CAMK2D: variants seen among roughly 807,000 people sequenced by gnomAD.
The protein encoded by CAMK2D is calcium/calmodulin dependent protein kinase II delta.
Under a neutral mutation model 84.0 loss-of-function variants are expected in CAMK2D, and 37 were observed. The ratio of observed to expected loss-of-function variants is 0.44; its 90% confidence interval spans 0.34 to 0.58. The LOEUF is 0.58. CAMK2D is among the 20% of genes least tolerant of loss of function. CAMK2D has a pLI of 0.02. For missense variants in CAMK2D, 448 were observed against 652.5 expected (o/e 0.69, Z 3.41); for synonymous variants, 202 against 212.5 (o/e 0.95, Z 0.43).
At chr4:113,717,478 G>C (rs72899819) in intron 2 of CAMK2D, among the ~76,000 whole-genome samples, 2 of 151,856 alleles carry the variant, frequency 1.3e-5, no homozygotes, top group African/African-American at 2.4e-5. Context: ...TCCAGGACTT[G>C]GTACTGCCTG....
chr4:113,471,637 A>G (rs1482637566), intron 16 of CAMK2D, among the ~76,000 whole-genome samples: 4 of 152,006 alleles, frequency 2.6e-5, no homozygotes, highest in Non-Finnish European at 5.9e-5. Context: ...ACTCTTTCTC[A>G]GAGCCATTTC....
chr4:113,479,672 T>C (rs2097674890), intron 16 of CAMK2D, among the ~76,000 whole-genome samples: 1 of 152,326 alleles, frequency 6.6e-6, no homozygotes, highest in East Asian at 1.9e-4. Flanking sequence ...GGCAGCTTTA[T>C]GTAGTTTGGG....
intron 4 of CAMK2D, among the ~76,000 whole-genome samples, chr4:113,596,945 G>A (rs1487295798): frequency 2.0e-5 from 3 of 151,688 alleles, no homozygotes; most frequent in African/African-American, 7.3e-5. Context: ...TCAGCCTCCT[G>A]AGTAGCTGGC....
intron 17 of CAMK2D, among the ~76,000 whole-genome samples, chr4:113,460,500 C>T (rs1038214329): frequency 6.6e-6 from 1 of 151,788 alleles, no homozygotes; most frequent in African/African-American, 2.4e-5. Context: ...TTTTAGGAGG[C>T]CCCTTTTTAT....
chr4:113,464,278 T>C (rs1467076270), intron 17 of CAMK2D, among the ~76,000 whole-genome samples: 1 of 152,262 alleles, frequency 6.6e-6, no homozygotes, highest in Non-Finnish European at 1.5e-5. Flanking sequence ...TTTCCTCCTC[T>C]GATAATAGTC....
intron 17 of CAMK2D, among the ~76,000 whole-genome samples, chr4:113,463,310 ACTT>A (rs1473299209): frequency 1.3e-5 from 2 of 152,124 alleles, no homozygotes; most frequent in Non-Finnish European, 2.9e-5. Flanking sequence ...CTCAGAGGCA[ACTT>A]CTTTTTTTCT....
intron 1 of CAMK2D, 63 bp downstream of exon 1, chr4:113,760,941 G>A (rs1235555565): frequency 6.2e-7 from 1 of 1,602,382 alleles, no homozygotes; most frequent in Non-Finnish European, 8.5e-7. Context: ...CGGTGGGTCG[G>A]GGGCAACGCG....
chr4:113,587,080 G>A (rs1176101889), intron 4 of CAMK2D, among the ~76,000 whole-genome samples: 1 of 152,090 alleles, frequency 6.6e-6, no homozygotes, highest in East Asian at 1.9e-4. Flanking sequence ...ACTATTTTCA[G>A]TGTCAGGCAA....
chr4:113,760,915 G>C (rs1421198473), intron 1 of CAMK2D, 89 bp downstream of exon 1: 11 of 1,542,158 alleles, frequency 7.1e-6, no homozygotes, highest in Non-Finnish European at 9.0e-6. Context: ...AAACTCCCTC[G>C]CCCCAAGACG....
rs2098593193 is a variant in CAMK2D at position 113,547,720 on chromosome 4, C to T, written c.342-4G>A. On this transcript the variant is annotated splice_region_variant and splice_polypyrimidine_tract_variant and intron_variant, in intron 5 of 20. Transcript: ENST00000511664. Reference sequence around the variant, plus strand: ...CAGGATCTGCTGAATGCAATGACTGCATGCAAACACCAGGGGGCGTGTGTT... The same window carrying T: ...CAGGATCTGCTGAATGCAATGACTGTATGCAAACACCAGGGGGCGTGTGTT... 2 of 1,541,632 alleles carry T rather than the reference C, an allele frequency of 1.3e-6. No individual in the cohort carries two copies. Among genetic ancestry groups the T allele is most frequent in the Admixed American group, 1.9e-5 (1 of 52,730 alleles).
chr4:113,465,263 C>T (rs951333355), intron 17 of CAMK2D, among the ~76,000 whole-genome samples: 2 of 152,080 alleles, frequency 1.3e-5, no homozygotes, highest in African/African-American at 2.4e-5. Flanking sequence ...GAACTCTTGG[C>T]CTCAAGCAGT....
chr4:113,691,812 C>T (rs2099388032), intron 2 of CAMK2D, among the ~76,000 whole-genome samples: 1 of 151,508 alleles, frequency 6.6e-6, no homozygotes. Flanking sequence ...TGAGGAAATC[C>T]CACCAAATAC....
intron 6 of CAMK2D, among the ~76,000 whole-genome samples, chr4:113,546,909 C>T (rs2098580297): frequency 6.6e-6 from 1 of 152,164 alleles, no homozygotes; most frequent in African/African-American, 2.4e-5. Context: ...TAAAAATTCT[C>T]TGTCCTCAAG....
intron 6 of CAMK2D, among the ~76,000 whole-genome samples, chr4:113,541,695 A>G (rs1270939046): frequency 6.6e-6 from 1 of 152,186 alleles, no homozygotes; most frequent in Non-Finnish European, 1.5e-5. Flanking sequence ...TTTTTTAAGG[A>G]CTAAAAATTT....
At chr4:113,495,391 A>T (rs2097914871) in intron 16 of CAMK2D, among the ~76,000 whole-genome samples, 1 of 152,236 alleles carries the variant, frequency 6.6e-6, no homozygotes, top group South Asian at 2.1e-4. Context: ...TATAAATTAC[A>T]TGTAGATACC....
chr4:113,707,538 T>G (rs1450281957), intron 2 of CAMK2D, among the ~76,000 whole-genome samples: 1 of 152,208 alleles, frequency 6.6e-6, no homozygotes, highest in Non-Finnish European at 1.5e-5. Flanking sequence ...CTAGAATTAT[T>G]TAAACTAGAC....
chr4:113,652,433 T>C (rs986181208), intron 3 of CAMK2D, among the ~76,000 whole-genome samples: 1 of 152,092 alleles, frequency 6.6e-6, no homozygotes, highest in African/African-American at 2.4e-5. Context: ...GTACTTACCA[T>C]AGGCAAGTTT....
At chr4:113,478,409 A>C (rs1055659134) in intron 16 of CAMK2D, among the ~76,000 whole-genome samples, 1 of 152,206 alleles carries the variant, frequency 6.6e-6, no homozygotes, top group African/African-American at 2.4e-5. Context: ...ACAGGTAAAC[A>C]CATTTCATGT....
At chr4:113,476,063 T>C (rs2097610275) in intron 16 of CAMK2D, among the ~76,000 whole-genome samples, 1 of 152,216 alleles carries the variant, frequency 6.6e-6, no homozygotes, top group Non-Finnish European at 1.5e-5. Context: ...AAGGAGAATT[T>C]TTCCAATTTG....
Sources: allele counts gnomAD v4.1 joint callset (sites outside exome capture counted in the v4.1 genomes callset), GRCh38; gene constraint gnomAD v4.1.1; transcripts MANE v1.5; gene names NCBI Gene and HGNC (gene_info 2026-07-23, HGNC 2026-07-21).